DIABLO: variants seen among roughly 807,000 people sequenced by gnomAD.
The protein encoded by DIABLO is diablo IAP-binding mitochondrial protein.
DIABLO carries 32 observed loss-of-function variants against 31.7 expected under a neutral mutation model. The ratio of observed to expected loss-of-function variants is 1.01; its 90% CI spans 0.76 to 1.35. The LOEUF (loss-of-function observed/expected upper bound fraction) is 1.35. DIABLO is among the 40% of genes most tolerant of loss of function. The pLI is 0.00. For missense variants in DIABLO, 316 were observed against 286.4 expected (o/e 1.10, Z -0.75); for synonymous variants, 132 against 103.2 (o/e 1.28, Z -1.69).
upstream of DIABLO, chr12:122,227,323 G>A (rs897006961): frequency 1.1e-5 from 5 of 450,984 alleles, no homozygotes; most frequent in Non-Finnish European, 2.2e-5. Flanking sequence ...ACAGTGTCAG[G>A]CACTGGCTTC....
At position 122,216,588 on chromosome 12, in the gene DIABLO, T is replaced by C. The variant is rs1385416404; in HGVS notation, c.427-4A>G. The C allele has an allele frequency of 6.2e-7, 1 of 1,614,090 alleles. No individual in the cohort carries two copies. Among genetic ancestry groups the C allele is most frequent in the South Asian group, 1.1e-5 (1 of 91,086 alleles). ...ACTCTTGGTGTTTTGAAGTCATCTA[T>C]ATAAATCAAGCAAAGTGCTTCAGAC... On this transcript the variant is annotated splice_polypyrimidine_tract_variant and splice_region_variant and intron_variant, in intron 4 of 5. Coordinates refer to ENST00000464942, the MANE Select transcript of DIABLO (RefSeq NM_001371333.1).
intron 5 of DIABLO, among the ~76,000 whole-genome samples, chr12:122,215,343 C>T (rs752917216): frequency 1.3e-5 from 2 of 152,084 alleles, no homozygotes; most frequent in African/African-American, 2.4e-5. Context: ...CTTTGGGAGG[C>T]CAAGGCGGGT....
intron 5 of DIABLO, among the ~76,000 whole-genome samples, chr12:122,210,941 A>C: frequency 6.6e-6 from 1 of 151,704 alleles, no homozygotes; most frequent in Non-Finnish European, 1.5e-5. Context: ...TGGGGAGGCT[A>C]AAGTGGGGAG....
Position 122,208,035 on chromosome 12 carries a change from G to A in DIABLO, c.*346C>T, listed in dbSNP as rs1451738386. 1 of 529,044 alleles carries A rather than the reference G, an allele frequency of 1.9e-6. No homozygotes were observed. The highest frequency in any genetic ancestry group is 1.5e-5 in the South Asian group (1 of 65,142). 32.8% of individuals were successfully genotyped at this position (529,044 alleles called of 1,614,324 possible). On this transcript the variant is annotated 3_prime_UTR_variant, in exon 6 of 6. Coordinates refer to ENST00000464942, the MANE Select transcript of DIABLO (RefSeq NM_001371333.1). ...ACGACGTAAATAAGACTGAAAACAG[G>A]TTAAACAGTTGCTGAACTTAAGGGC...
Position 122,208,461 on chromosome 12 carries a change from C to G in DIABLO, c.640G>C (p.Glu214Gln), listed in dbSNP as rs1409867469. The change falls in exon 6 of 6, where the codon GAA (glutamate) becomes CAA (glutamine). Residue 214 changes from glutamate to glutamine, a missense_variant. Transcript: ENST00000464942. Reference sequence around the variant, plus strand: ...TCCTGTGTTTTCTGACGGAGCTCTTCTATCTGTGCTTCTGCCAGCTTGGTT... The same window carrying G: ...TCCTGTGTTTTCTGACGGAGCTCTTGTATCTGTGCTTCTGCCAGCTTGGTT... ...AETKLAEAQIEELRQKTQEEG... is the reference protein window; with the variant it reads ...AETKLAEAQIQELRQKTQEEG... 6.2e-7 allele frequency: 1 copy of G among 1,614,160 alleles called. No homozygotes were observed. Among genetic ancestry groups the G allele is most frequent in the South Asian group, 1.1e-5 (1 of 91,084 alleles).
At chr12:122,219,865 C>CAA (rs759696825) in intron 2 of DIABLO, among the ~76,000 whole-genome samples, 6 of 120,508 alleles carry the variant, frequency 5.0e-5, no homozygotes, top group African/African-American at 1.2e-4. Context: ...ACTCTTTCGC[C>CAA]AAAAAAAAAA....
intron 1 of DIABLO, 116 bp downstream of exon 1, chr12:122,225,849 C>A: frequency 6.5e-7 from 1 of 1,529,338 alleles, no homozygotes. Flanking sequence ...CGCGACCCAG[C>A]TGGGCGGACG....
intron 2 of DIABLO, among the ~76,000 whole-genome samples, chr12:122,220,330 C>T (rs112417987): frequency 9.0e-4 from 137 of 152,216 alleles, no homozygotes; most frequent in African/African-American, 3.2e-3. Flanking sequence ...TAAATACTGG[C>T]AACTGTAATG....
chr12:122,208,832 A>G lies in DIABLO; in HGVS notation c.524-255T>C, dbSNP rs60573343. On this transcript the variant is annotated intron_variant, in intron 5 of 5. Transcript: ENST00000464942. ...ATCACAATTATTAAATGCAACTCTC[A>G]CAATCATCTTTATAGCTACAGAGCT... is the stretch of plus-strand genomic sequence containing the variant. The G allele has an allele frequency of 0.016, 9,349 of 592,768 alleles. 556 individuals carry two copies. The highest frequency in any genetic ancestry group is 0.14 in the African/African-American group (7,626 of 54,734). The allele number at this position is 592,768 out of a possible 1,614,324, so 36.7% of individuals were successfully genotyped here. A position where few individuals can be genotyped will look rare whatever the true frequency, so the allele number is the denominator to read the frequency against.
In DIABLO at chr12:122,216,494, G is replaced by C; in HGVS notation, c.517C>G (p.Gln173Glu). 1.2e-6 allele frequency: 2 copies of C among 1,612,826 alleles called. No homozygotes were observed. The highest frequency in any genetic ancestry group is 1.7e-6 in the Non-Finnish European group (2 of 1,179,036). Residue 173 changes from glutamine to glutamate, a missense_variant, in exon 5 of 6, where the codon CAA (glutamine) becomes GAA (glutamate). Transcript: ENST00000464942. ...LSEMAAEAAY[Q>E]TGADQASITA... ...ACACAAAACTTGAACCTACCAGTTT[G>C]ATATGCAGCTTCTGCTGCCATCTCT... is the stretch of plus-strand genomic sequence containing the variant.
chr12:122,226,909 G>GGAGT (rs558875424), upstream of DIABLO, among the ~76,000 whole-genome samples: 567 of 152,346 alleles, frequency 3.7e-3, 2 homozygotes, highest in African/African-American at 0.01. Context: ...ATGCGCTGGT[G>GGAGT]GAGTAAACCT....
intron 1 of DIABLO, chr12:122,225,658 G>T (rs945602680): frequency 1.5e-6 from 2 of 1,345,596 alleles, no homozygotes; most frequent in Non-Finnish European, 1.9e-6. Context: ...TCCTCTCCAC[G>T]TCTCCTCAGG....
chr12:122,216,995 A>G, intron 3 of DIABLO, 126 bp from the exon 4 acceptor site: 1 of 748,612 alleles, frequency 1.3e-6, no homozygotes, highest in East Asian at 2.7e-5. Context: ...CTGCTGCCTC[A>G]ATGAAATTGC....
At chr12:122,219,268 T>C (rs1415813170) in intron 2 of DIABLO, among the ~76,000 whole-genome samples, 1 of 151,904 alleles carries the variant, frequency 6.6e-6, no homozygotes, top group Non-Finnish European at 1.5e-5. Flanking sequence ...CCCCCAAAAC[T>C]ATTGATTATA....
intron 2 of DIABLO, among the ~76,000 whole-genome samples, chr12:122,219,513 T>A (rs1469101344): frequency 6.6e-6 from 1 of 151,956 alleles, no homozygotes. Context: ...CTATGTTGAG[T>A]GCTAATAGCT....
At chr12:122,216,995 A>C (rs993268896) in intron 3 of DIABLO, 126 bp from the exon 4 acceptor site, 1 of 748,494 alleles carries the variant, frequency 1.3e-6, no homozygotes, top group African/African-American at 1.7e-5. Context: ...CTGCTGCCTC[A>C]ATGAAATTGC....
chr12:122,211,077 T>TGTAAA (rs1954076708), intron 5 of DIABLO, among the ~76,000 whole-genome samples: 1 of 14,340 alleles, frequency 7.0e-5, no homozygotes, highest in African/African-American at 2.4e-4. Flanking sequence ...TAGTTAAAAG[T>TGTAAA]AAAAAAAAAA....
chr12:122,209,335 C>T (rs908264821), intron 5 of DIABLO, among the ~76,000 whole-genome samples: 1 of 151,552 alleles, frequency 6.6e-6, no homozygotes, highest in Non-Finnish European at 1.5e-5. Flanking sequence ...TGCACTCCAG[C>T]CTGGGCGACA....
intron 5 of DIABLO, 51 bp downstream of exon 5, chr12:122,216,437 C>A: frequency 6.8e-7 from 1 of 1,473,958 alleles, no homozygotes; most frequent in South Asian, 1.2e-5. Context: ...CAAATGGTAC[C>A]TTCCTAGTTA....
Sources: allele counts gnomAD v4.1 joint callset (sites outside exome capture counted in the v4.1 genomes callset), GRCh38; gene constraint gnomAD v4.1.1; transcripts MANE v1.5; gene names NCBI Gene and HGNC (gene_info 2026-07-23, HGNC 2026-07-21).